FSTL5: variants seen among roughly 807,000 people sequenced by gnomAD.
FSTL5 encodes the protein follistatin like 5, also known as follistatin-related protein 5.
A neutral mutation model predicts 89.1 loss-of-function variants in FSTL5; 62 were observed. The ratio of observed to expected loss-of-function variants is 0.70; its 90% CI spans 0.57 to 0.86. FSTL5 has a LOEUF of 0.86. Among genes scored for constraint, FSTL5 ranks in the 40% least tolerant of loss-of-function variants. FSTL5 has a pLI of 0.00. For missense variants in FSTL5, 1,057 were observed against 1,001.6 expected, an observed-to-expected ratio of 1.06 and a Z score of -0.75; for synonymous variants, 383 against 346.2, an observed-to-expected ratio of 1.11 and a Z score of -1.18.
chr4:162,036,111 C>G (rs1737728350), intron 2 of FSTL5, among the ~76,000 whole-genome samples: 1 of 152,088 alleles, frequency 6.6e-6, no homozygotes, highest in Admixed American at 6.6e-5. Flanking sequence ...TTTTAGCAAT[C>G]TCGTCTAATC....
chr4:161,840,659 TC>T (rs1320355692), intron 4 of FSTL5, among the ~76,000 whole-genome samples: 1 of 152,160 alleles, frequency 6.6e-6, no homozygotes, highest in Non-Finnish European at 1.5e-5. Flanking sequence ...CTAATCTCAC[TC>T]CCGCCTAATC....
intron 6 of FSTL5, among the ~76,000 whole-genome samples, chr4:161,690,539 A>T (rs577896946): frequency 6.6e-6 from 1 of 152,158 alleles, no homozygotes; most frequent in South Asian, 2.1e-4. Flanking sequence ...GAGCTGCAAG[A>T]ATTCTTTGTG....
intron 8 of FSTL5, among the ~76,000 whole-genome samples, chr4:161,557,490 T>A (rs1347345612): frequency 1.3e-5 from 2 of 151,688 alleles, no homozygotes; most frequent in Admixed American, 6.6e-5. Flanking sequence ...CCATAGATAA[T>A]TTTGGGAGAA....
intron 2 of FSTL5, among the ~76,000 whole-genome samples, chr4:162,071,714 A>G (rs1183296342): frequency 6.6e-6 from 1 of 151,772 alleles, no homozygotes; most frequent in Non-Finnish European, 1.5e-5. Flanking sequence ...AGCACACGGA[A>G]TATTCTCCAG....
intron 6 of FSTL5, among the ~76,000 whole-genome samples, chr4:161,663,752 G>A (rs924331607): frequency 1.3e-5 from 2 of 152,148 alleles, no homozygotes; most frequent in African/African-American, 4.8e-5. Flanking sequence ...TCTGTGTGGG[G>A]GCTCCAACCC....
chr4:161,535,095 G>A (rs1413011043), intron 10 of FSTL5, among the ~76,000 whole-genome samples: 1 of 152,114 alleles, frequency 6.6e-6, no homozygotes, highest in Non-Finnish European at 1.5e-5. Context: ...AGATTTCAGT[G>A]TAAGACCTTA....
chr4:161,801,830 A>G (rs993627951), intron 4 of FSTL5, among the ~76,000 whole-genome samples: 2 of 151,664 alleles, frequency 1.3e-5, no homozygotes, highest in Non-Finnish European at 3.0e-5. Context: ...TGTGTGAAAG[A>G]CAAATTAAAA....
Position 161,738,541 on chromosome 4 carries a change from G to T in FSTL5, c.727+20870C>A, listed in dbSNP as rs111969046. Among the ~76,000 whole-genome samples the T allele has an allele frequency of 8.1e-3, 1,227 of 151,988 alleles. 14 individuals are homozygous for T. The highest frequency in any genetic ancestry group is 0.028 in the African/African-American group (1,169 of 41,496). On this transcript the variant is annotated intron_variant, in intron 6 of 15. Transcript: ENST00000306100. ...TAAGAGTCAGATAAAAATCAGAAAA[G>T]CTGGATTAAAAATGACCCAGATACC...
intron 15 of FSTL5, among the ~76,000 whole-genome samples, chr4:161,437,083 G>A (rs566334266): frequency 3.7e-4 from 56 of 152,138 alleles, no homozygotes; most frequent in African/African-American, 1.2e-3. Flanking sequence ...TGCATATAAC[G>A]CCATTAAAAT....
intron 3 of FSTL5, among the ~76,000 whole-genome samples, chr4:161,972,917 T>TA (rs1735526100): frequency 6.6e-6 from 1 of 152,216 alleles, no homozygotes; most frequent in Non-Finnish European, 1.5e-5. Flanking sequence ...CACTTGTTTA[T>TA]AAAAAATGCA....
At chr4:161,469,829 A>C (rs1733875552) in intron 13 of FSTL5, among the ~76,000 whole-genome samples, 1 of 151,856 alleles carries the variant, frequency 6.6e-6, no homozygotes, top group Non-Finnish European at 1.5e-5. Context: ...ATTTTAGTAG[A>C]GACGGAGTTT....
chr4:161,763,139 C>T lies in FSTL5; in HGVS notation c.607-3608G>A, dbSNP rs1031111531. On this transcript the variant is annotated intron_variant, in intron 5 of 15. Coordinates refer to ENST00000306100, the MANE Select transcript of FSTL5 (RefSeq NM_020116.5). ...CTCCTTCACTCACTAACTCAATCAT[C>T]CATTCAACAAATCCTTTTAGACTGC... Among the ~76,000 whole-genome samples, 5 of 152,176 alleles carry T rather than the reference C, an allele frequency of 3.3e-5. No individual in the cohort carries two copies. In the East Asian group the frequency reaches 9.6e-4, roughly 29 times the overall value.
intron 7 of FSTL5, among the ~76,000 whole-genome samples, chr4:161,638,683 G>A (rs1005524162): frequency 3.7e-5 from 5 of 135,774 alleles, no homozygotes; most frequent in African/African-American, 1.4e-4. Flanking sequence ...AAGCCGGGCA[G>A]AGACACAACC....
chr4:162,088,363 G>A (rs1032422528), intron 2 of FSTL5, among the ~76,000 whole-genome samples: 2 of 151,700 alleles, frequency 1.3e-5, no homozygotes, highest in Admixed American at 1.3e-4. Context: ...AAGTTGCTTG[G>A]AAAATTATAA....
At chr4:161,982,206 G>C (rs1212279835) in intron 3 of FSTL5, among the ~76,000 whole-genome samples, 1 of 152,206 alleles carries the variant, frequency 6.6e-6, no homozygotes, top group Non-Finnish European at 1.5e-5. Flanking sequence ...TTTGTGTTAT[G>C]ACGGTCTGTG....
chr4:161,448,318 G>C (rs534613971), intron 15 of FSTL5, among the ~76,000 whole-genome samples: 2 of 152,158 alleles, frequency 1.3e-5, no homozygotes, highest in Non-Finnish European at 2.9e-5. Flanking sequence ...GGAACAGCAG[G>C]TATTTTCAAT....
In FSTL5 at chr4:162,123,067, T is replaced by TA. The variant is rs1372971672; in HGVS notation, c.-16-11656dup. Among the ~76,000 whole-genome samples, 8 of 152,076 alleles carry TA rather than the reference T, an allele frequency of 5.3e-5. No individual in the cohort carries two copies. In the East Asian group the frequency reaches 9.6e-4, roughly 18 times the overall value. On this transcript the variant is annotated intron_variant, in intron 1 of 15. Transcript: ENST00000306100. ...CTATGTTACAGATTTTATTTGCTAT[T>TA]AAAAAAAATCATTGCAATTTTGTCA...
intron 4 of FSTL5, among the ~76,000 whole-genome samples, chr4:161,896,095 C>G (rs949380320): frequency 6.6e-6 from 1 of 152,094 alleles, no homozygotes; most frequent in Non-Finnish European, 1.5e-5. Flanking sequence ...ATCTGTTTAG[C>G]CTTCATACTT....
At chr4:161,576,445 C>T (rs543189093) in intron 8 of FSTL5, among the ~76,000 whole-genome samples, 140 of 152,298 alleles carry the variant, frequency 9.2e-4, no homozygotes, top group Non-Finnish European at 1.6e-3. Context: ...GTAACCAAAA[C>T]AGCATGGTGC....
Sources: allele counts gnomAD v4.1 joint callset (sites outside exome capture counted in the v4.1 genomes callset), GRCh38; gene constraint gnomAD v4.1.1; transcripts MANE v1.5; gene names NCBI Gene and HGNC (gene_info 2026-07-23, HGNC 2026-07-21).